OCA2: variants seen among roughly 807,000 people sequenced by gnomAD.
OCA2 encodes the protein OCA2 melanosomal transmembrane protein.
Under a neutral mutation model 100.2 loss-of-function variants are expected in OCA2, and 77 were observed. That is an observed-to-expected ratio of 0.77 (90% CI 0.64 to 0.93). OCA2 has a LOEUF of 0.93. OCA2 is among the 40% of genes least tolerant of loss of function. OCA2 has a pLI of 0.00. For missense variants in OCA2, 1,062 were observed against 1,089.1 expected (o/e 0.98, Z 0.35); for synonymous variants, 432 against 439.2 (o/e 0.98, Z 0.21).
chr15:28,081,092 CAG>C (rs1312125782), intron 2 of OCA2, among the ~76,000 whole-genome samples: 2 of 152,090 alleles, frequency 1.3e-5, no homozygotes, highest in African/African-American at 4.8e-5. Flanking sequence ...TCGGACCACA[CAG>C]GGGCGGGAGG....
intron 21 of OCA2, among the ~76,000 whole-genome samples, chr15:27,862,071 T>A (rs969917582): frequency 2.0e-5 from 3 of 152,154 alleles, no homozygotes; most frequent in African/African-American, 7.2e-5. Flanking sequence ...CCTCAAGTCC[T>A]CATGGAGAGA....
chr15:27,750,442 A>AT (rs2030029852), downstream of OCA2, among the ~76,000 whole-genome samples: 1 of 152,216 alleles, frequency 6.6e-6, no homozygotes, highest in Non-Finnish European at 1.5e-5. Context: ...TGGAATAGGC[A>AT]TTATTAATAT....
intron 19 of OCA2, among the ~76,000 whole-genome samples, chr15:27,888,620 G>A (rs1296583564): frequency 6.6e-6 from 1 of 151,928 alleles, no homozygotes; most frequent in African/African-American, 2.4e-5. Flanking sequence ...GAACCAAATG[G>A]AAATGATAGA....
chr15:27,784,106 T>C (rs1286103877), intron 23 of OCA2, among the ~76,000 whole-genome samples: 1 of 152,222 alleles, frequency 6.6e-6, no homozygotes, highest in Non-Finnish European at 1.5e-5. Flanking sequence ...GGTGAACAAG[T>C]GTCCAGCGAC....
At chr15:27,856,074 G>A (rs941005140) in intron 21 of OCA2, among the ~76,000 whole-genome samples, 4 of 152,130 alleles carry the variant, frequency 2.6e-5, no homozygotes, top group East Asian at 1.9e-4. Flanking sequence ...TGGTGTCTGC[G>A]GCAATCCTGG....
At chr15:27,724,543 C>CT in the OCA2 span, among the ~76,000 whole-genome samples, 1 of 152,056 alleles carries the variant, frequency 6.6e-6, no homozygotes, top group Non-Finnish European at 1.5e-5. Context: ...TTCAACATTT[C>CT]TTTTTTGAAG....
chr15:27,827,138 A>C (rs1463952042), intron 23 of OCA2, among the ~76,000 whole-genome samples: 1 of 152,248 alleles, frequency 6.6e-6, no homozygotes, highest in Non-Finnish European at 1.5e-5. Context: ...TATTAAACTC[A>C]GCTTCATTCT....
intron 19 of OCA2, among the ~76,000 whole-genome samples, chr15:27,913,387 AAAG>A (rs2038473710): frequency 6.6e-6 from 1 of 152,134 alleles, no homozygotes; most frequent in African/African-American, 2.4e-5. Flanking sequence ...ATTTCAAAAG[AAAG>A]AAGGGAAAGA....
At chr15:27,815,447 T>C (rs1263971874) in intron 23 of OCA2, among the ~76,000 whole-genome samples, 1 of 152,190 alleles carries the variant, frequency 6.6e-6, no homozygotes, top group African/African-American at 2.4e-5. Flanking sequence ...GAGGAAAAGA[T>C]GGCATAACAT....
intron 21 of OCA2, among the ~76,000 whole-genome samples, chr15:27,853,324 C>CA (rs1199564335): frequency 2.8e-5 from 4 of 142,134 alleles, no homozygotes; most frequent in Non-Finnish European, 6.1e-5. Context: ...ATCGCAAGAA[C>CA]AAAAAACCAA....
rs1211462084 is a variant in OCA2 at position 28,022,419 on chromosome 15, C to T, written c.646+82G>A. On this transcript the variant is annotated intron_variant, in intron 6 of 23. Coordinates refer to ENST00000354638, the MANE Select transcript of OCA2 (RefSeq NM_000275.3). Reference sequence around the variant, plus strand: ...TGGCCTGTGCCGTGGCCTTCAGCAGCAGTCACAACCGTCTGCAAGTGTCTC... The same window carrying T: ...TGGCCTGTGCCGTGGCCTTCAGCAGTAGTCACAACCGTCTGCAAGTGTCTC... 4 of 1,001,890 alleles carry T rather than the reference C, an allele frequency of 4.0e-6. No individual in the cohort carries two copies. The East Asian group carries it at 9.5e-5, about 24-fold the overall frequency. 62.1% of individuals were successfully genotyped at this position (1,001,890 alleles called of 1,614,324 possible).
At chr15:27,886,110 T>C (rs991616061) in intron 19 of OCA2, among the ~76,000 whole-genome samples, 46 of 152,272 alleles carry the variant, frequency 3.0e-4, no homozygotes, top group African/African-American at 1.1e-3. Context: ...AGGTGACAAG[T>C]ACAAATGCAC....
At chr15:27,968,596 T>G (rs1595735727) in intron 14 of OCA2, among the ~76,000 whole-genome samples, 1 of 152,384 alleles carries the variant, frequency 6.6e-6, no homozygotes, top group East Asian at 1.9e-4. Flanking sequence ...CTTTCAACAT[T>G]ATTAAAGATA....
chr15:27,843,409 T>A (rs2035414943), intron 23 of OCA2, among the ~76,000 whole-genome samples: 1 of 152,206 alleles, frequency 6.6e-6, no homozygotes. Flanking sequence ...AAGATGGCAG[T>A]GTGTGGTAGG....
At chr15:27,724,808 G>A in the OCA2 span, among the ~76,000 whole-genome samples, 2 of 131,096 alleles carry the variant, frequency 1.5e-5, no homozygotes, top group Non-Finnish European at 1.6e-5. Context: ...AATTCTGTGA[G>A]AGACGCTTTT....
chr15:28,051,298 T>C (rs544110924), intron 2 of OCA2, among the ~76,000 whole-genome samples: 3 of 152,308 alleles, frequency 2.0e-5, no homozygotes, highest in African/African-American at 7.2e-5. Context: ...TTGTTTTGTT[T>C]TGTTTTGTTT....
chr15:27,946,307 G>C (rs996298402), intron 18 of OCA2, among the ~76,000 whole-genome samples: 1 of 152,198 alleles, frequency 6.6e-6, no homozygotes, highest in African/African-American at 2.4e-5. Flanking sequence ...TTGAGTCCTT[G>C]TGGATGAACT....
intron 18 of OCA2, among the ~76,000 whole-genome samples, chr15:27,941,861 T>C (rs1444792060): frequency 1.3e-5 from 2 of 152,222 alleles, no homozygotes; most frequent in Non-Finnish European, 2.9e-5. Context: ...TCACATGTTA[T>C]TTAGTAAAAG....
At chr15:28,051,427 G>A (rs1319626738) in intron 2 of OCA2, among the ~76,000 whole-genome samples, 2 of 152,046 alleles carry the variant, frequency 1.3e-5, no homozygotes, top group Non-Finnish European at 2.9e-5. Context: ...CGAGTAGCTA[G>A]GATTACAAGC....
Sources: allele counts gnomAD v4.1 joint callset (sites outside exome capture counted in the v4.1 genomes callset), GRCh38; gene constraint gnomAD v4.1.1; transcripts MANE v1.5; gene names NCBI Gene and HGNC (gene_info 2026-07-23, HGNC 2026-07-21).